Variants in ZBTB41 observed in about 807,000 individuals in gnomAD.
ZBTB41 encodes zinc finger and BTB domain-containing protein 41.
In ZBTB41, 42 loss-of-function variants were observed where a neutral mutation model predicts 87.6. The observed-to-expected ratio is 0.48, with a 90% CI of 0.37 to 0.62. The LOEUF is 0.62. Ranked by LOEUF, ZBTB41 falls within the 20% of genes least tolerant of loss-of-function variation. ZBTB41 has a pLI of 0.00. For synonymous variants in ZBTB41, 364 were observed against 364.0 expected, an observed-to-expected ratio of 1.00 and a Z score of 0.00; for missense variants, 799 against 1,078.9, an observed-to-expected ratio of 0.74 and a Z score of 3.63.
At chr1:197,162,966 C>T (rs1659235162) in intron 10 of ZBTB41, among the ~76,000 whole-genome samples, 1 of 152,144 alleles carries the variant, frequency 6.6e-6, no homozygotes, top group South Asian at 2.1e-4. Context: ...TTAAAAGAAA[C>T]ATTTGCTGGG....
intron 10 of ZBTB41, among the ~76,000 whole-genome samples, 157 bp from the exon 11 acceptor site, chr1:197,160,171 T>C (rs773800964): frequency 6.6e-6 from 1 of 152,116 alleles, no homozygotes; most frequent in Non-Finnish European, 1.5e-5. Context: ...TACAATAAAC[T>C]GGTAAAAATA....
At chr1:197,190,416 T>C (rs570333457) in intron 4 of ZBTB41, among the ~76,000 whole-genome samples, 1 of 152,228 alleles carries the variant, frequency 6.6e-6, no homozygotes, top group South Asian at 2.1e-4. Flanking sequence ...AGTTTTGATA[T>C]AGTTTATTAT....
At chr1:197,194,618 GA>G (rs71131750) in intron 2 of ZBTB41, among the ~76,000 whole-genome samples, 8 of 135,816 alleles carry the variant, frequency 5.9e-5, no homozygotes, top group Admixed American at 7.5e-5. Flanking sequence ...ATTTAAGCAA[GA>G]AAAAAAAAAA....
rs781103762 is a variant in ZBTB41 at position 197,181,166 on chromosome 1, A to G, written c.1547-49T>C. On this transcript the variant is annotated intron_variant, in intron 5 of 10. Coordinates refer to ENST00000367405, the MANE Select transcript of ZBTB41 (RefSeq NM_194314.3). ...TGCATTTAAAGTTTAAAGAGGAGAT[A>G]CTAAGTTAAATTTAATAGGTATGCT... 2.6e-6 allele frequency: 4 copies of G among 1,517,304 alleles called. No homozygotes were observed. In the Admixed American group the frequency reaches 9.2e-5, roughly 35 times the overall value. The allele number at this position is 1,517,304 out of a possible 1,614,324, so 94.0% of individuals were successfully genotyped here. A position where few individuals can be genotyped will look rare whatever the true frequency, so the allele number is the denominator to read the frequency against.
Position 197,200,419 on chromosome 1 carries a change from G to C in ZBTB41, c.55C>G (p.His19Asp). 2 of 1,611,154 alleles carry C rather than the reference G, an allele frequency of 1.2e-6. No individual in the cohort carries two copies. Among genetic ancestry groups the C allele is most frequent in the African/African-American group, 2.7e-5 (2 of 74,862 alleles). ...ACATTTCCTTCTGAAGAATCTTTAT[G>C]ATAGCCTAGATGGATCTTCTCAAGA... ...SNLEKIHLGY[H>D]KDSSEGNVAV... Residue 19 changes from histidine (H) to aspartate (D), a missense_variant, in exon 2 of 11, where the codon CAT becomes GAT. Around this residue, in one of 5 missense-constraint regions of ZBTB41, gnomAD observed 77 missense variants for 68.4 expected, o/e 1.13. Transcript: ENST00000367405.
rs1660251242 is a variant in ZBTB41, at chr1:197,199,553, ATCT to A, written c.918_920del (p.Glu306del). 1.9e-6 allele frequency: 3 copies of A among 1,607,888 alleles called. No homozygotes were observed. The highest frequency in any genetic ancestry group is 1.7e-5 in the Admixed American group (1 of 58,748). On this transcript the variant is annotated inframe_deletion, in exon 2 of 11. Transcript: ENST00000367405. Reference sequence around the variant, plus strand: ...CATCTGACATCTCCTCCTCTAGCTCATCTTCTTCAGCATTATATTCACTTCCAG... The same window carrying A: ...CATCTGACATCTCCTCCTCTAGCTCATCTTCAGCATTATATTCACTTCCAG...
chr1:197,191,375 T>G (rs958349778), intron 3 of ZBTB41, among the ~76,000 whole-genome samples: 7 of 148,924 alleles, frequency 4.7e-5, no homozygotes, highest in African/African-American at 1.7e-4. Flanking sequence ...GAGGATTGAT[T>G]GAACCCAGGA....
At chr1:197,178,338 C>T in intron 7 of ZBTB41, 79 bp downstream of exon 7, 1 of 1,019,578 alleles carries the variant, frequency 9.8e-7, no homozygotes, top group Non-Finnish European at 1.4e-6. Flanking sequence ...TTCAATTCAA[C>T]AAAGTAATAA....
Position 197,156,683 on chromosome 1 carries a change from G to T in ZBTB41, c.*2676C>A, listed in dbSNP as rs1390467250. 1 of 152,150 alleles carries T rather than the reference G, an allele frequency of 6.6e-6. No individual in the cohort carries two copies. Among genetic ancestry groups the T allele is most frequent in the Non-Finnish European group, 1.5e-5 (1 of 67,730 alleles). The allele number at this position is 152,150 out of a possible 1,614,324, so 9.4% of individuals were successfully genotyped here. A position where few individuals can be genotyped will look rare whatever the true frequency, so the allele number is the denominator to read the frequency against. On this transcript the variant is annotated 3_prime_UTR_variant, in exon 11 of 11. Coordinates refer to ENST00000367405, the MANE Select transcript of ZBTB41 (RefSeq NM_194314.3). ...CCAAATCCATGAGGTTTTCACAATTGTAAAATTTCTTACATTTTTGGAAAT... is the reference window on the plus strand; with the variant it reads ...CCAAATCCATGAGGTTTTCACAATTTTAAAATTTCTTACATTTTTGGAAAT...
chr1:197,168,140 A>T (rs1420844287), intron 10 of ZBTB41, among the ~76,000 whole-genome samples: 3 of 152,142 alleles, frequency 2.0e-5, no homozygotes, highest in African/African-American at 7.2e-5. Context: ...AAATAAAATT[A>T]AAAAAAGGTC....
chr1:197,167,025 C>A (rs901650321), intron 10 of ZBTB41, among the ~76,000 whole-genome samples: 1 of 152,078 alleles, frequency 6.6e-6, no homozygotes, highest in Non-Finnish European at 1.5e-5. Context: ...TTGAGACCAG[C>A]ATAGTTATGA....
At chr1:197,182,087 C>G (rs1659760546) in intron 5 of ZBTB41, among the ~76,000 whole-genome samples, 1 of 151,190 alleles carries the variant, frequency 6.6e-6, no homozygotes, top group Non-Finnish European at 1.5e-5. Flanking sequence ...AAAAAAGGCT[C>G]TAAGAAATTG....
intron 5 of ZBTB41, among the ~76,000 whole-genome samples, chr1:197,186,656 G>A (rs61819122): frequency 6.6e-6 from 1 of 151,986 alleles, no homozygotes; most frequent in Non-Finnish European, 1.5e-5. Context: ...GAGGTCAGGA[G>A]TTCAAGACCA....
intron 5 of ZBTB41, among the ~76,000 whole-genome samples, 172 bp downstream of exon 5, chr1:197,188,120 A>G (rs1460417584): frequency 6.6e-6 from 1 of 152,208 alleles, no homozygotes; most frequent in African/African-American, 2.4e-5. Flanking sequence ...ATGTGGAGGC[A>G]TAGGGCATAT....
rs1400880710 is a variant in ZBTB41 at position 197,188,322 on chromosome 1, G to A, written c.1516C>T (p.Arg506Trp). ...TGGAACTTTTCTTGATGCTTTAACCGAGCAAACCGTGATTTAAAATGTTCT... is the reference window on the plus strand; with the variant it reads ...TGGAACTTTTCTTGATGCTTTAACCAAGCAAACCGTGATTTAAAATGTTCT... ...CEEHFKSRFA[R>W]LKHQEKFHLG... Residue 506 changes from arginine (R) to tryptophan (W), a missense_variant, in exon 5 of 11, where the codon CGG becomes TGG. This residue lies in a region of ZBTB41 where 198 missense variants were observed against 358.4 expected (regional missense o/e 0.55). Transcript: ENST00000367405. 2.5e-6 allele frequency: 4 copies of A among 1,613,058 alleles called. No homozygotes were observed. Among genetic ancestry groups the A allele is most frequent in the Non-Finnish European group, 2.5e-6 (3 of 1,179,800 alleles).
chr1:197,162,267 G>GA (rs1659220932), intron 10 of ZBTB41, among the ~76,000 whole-genome samples: 2 of 152,048 alleles, frequency 1.3e-5, no homozygotes, highest in Non-Finnish European at 1.5e-5. Context: ...CTATCAACTT[G>GA]AAAAAATATA....
intron 10 of ZBTB41, among the ~76,000 whole-genome samples, chr1:197,168,838 G>A (rs1257227267): frequency 6.6e-6 from 1 of 151,942 alleles, no homozygotes; most frequent in Non-Finnish European, 1.5e-5. Context: ...GAAGGTATCT[G>A]TAATATATAT....
rs983769608 is a variant in ZBTB41, at chr1:197,199,834, T to C, written c.640A>G (p.Arg214Gly). The C allele has an allele frequency of 1.1e-5, 17 of 1,610,510 alleles. No homozygotes were observed. The highest frequency in any genetic ancestry group is 1.7e-6 in the Non-Finnish European group (2 of 1,178,806). ...SNNHQCKFCS[R>G]HFCYKKSLEN... is the part of the protein sequence containing the mutation. Reference sequence around the variant, plus strand: ...AAAGACTTTTTATAACAAAAATGTCTACTACAGAATTTGCACTGATGATTA... The same window carrying C: ...AAAGACTTTTTATAACAAAAATGTCCACTACAGAATTTGCACTGATGATTA... Residue 214 changes from arginine (R) to glycine (G), a missense_variant, in exon 2 of 11, where the codon AGA becomes GGA. Physicochemically the swap from Arg to Gly is moderately radical, Grantham distance 125 (BLOSUM62 -2). This residue lies in a region of ZBTB41 where 294 missense variants were observed against 340.1 expected (regional missense o/e 0.86). Transcript: ENST00000367405.
intron 2 of ZBTB41, among the ~76,000 whole-genome samples, chr1:197,197,074 T>C (rs181255975): frequency 4.6e-5 from 7 of 152,284 alleles, no homozygotes; most frequent in East Asian, 1.9e-4. Context: ...ATAAATATGC[T>C]AGAACACCTA....
Sources: allele counts gnomAD v4.1 joint callset (sites outside exome capture counted in the v4.1 genomes callset), GRCh38; gene constraint gnomAD v4.1.1; regional missense constraint gnomAD v4.1.1; transcripts MANE v1.5; gene names NCBI Gene and HGNC (gene_info 2026-07-23, HGNC 2026-07-21).